NDUFS4: variants seen among roughly 807,000 people sequenced by gnomAD.
The protein encoded by NDUFS4 is NADH:ubiquinone oxidoreductase subunit S4.
A neutral mutation model predicts 24.3 loss-of-function variants in NDUFS4; 28 were observed. That is an observed-to-expected ratio of 1.15 (90% CI 0.85 to 1.58). The LOEUF (loss-of-function observed/expected upper bound fraction) is 1.58, where lower values mean the gene tolerates loss of function less well. Ranked by LOEUF, NDUFS4 falls within the 40% of genes most tolerant of loss-of-function variation. The pLI, the probability that NDUFS4 is intolerant of heterozygous loss-of-function variation, is 0.00. For missense variants in NDUFS4, 223 were observed against 207.9 expected (o/e 1.07, Z -0.45); for synonymous variants, 93 against 69.7 (o/e 1.34, Z -1.67).
At chr5:53,621,997 G>T (rs956910582) in intron 2 of NDUFS4, among the ~76,000 whole-genome samples, 1 of 151,946 alleles carries the variant, frequency 6.6e-6, no homozygotes, top group Non-Finnish European at 1.5e-5. Flanking sequence ...ACCGCGCCCG[G>T]CCGTAAATTA....
At chr5:53,644,366 T>G (rs2112505005) in intron 2 of NDUFS4, among the ~76,000 whole-genome samples, 1 of 152,274 alleles carries the variant, frequency 6.6e-6, no homozygotes, top group Admixed American at 6.5e-5. Flanking sequence ...TATAACATGC[T>G]TATAGTGTTT....
chr5:53,683,134 T>TGAA lies in NDUFS4; in HGVS notation c.444_446dup (p.Glu149dup), dbSNP rs1325068600. The TGAA allele has an allele frequency of 4.9e-5, 78 of 1,606,004 alleles. No individual in the cohort carries two copies. Among genetic ancestry groups the TGAA allele is most frequent in the Non-Finnish European group, 6.5e-5 (76 of 1,172,980 alleles). On this transcript the variant is annotated inframe_insertion, in exon 5 of 5. Coordinates refer to ENST00000296684, the MANE Select transcript of NDUFS4 (RefSeq NM_002495.4). ...TCCTCCTAGGATGGAGCTATGACAT[T>TGAA]GAAGAGAGGAAGGTTCCAAAACCCA...
intron 2 of NDUFS4, among the ~76,000 whole-genome samples, chr5:53,616,753 A>G (rs1162094248): frequency 6.6e-6 from 1 of 152,166 alleles, no homozygotes; most frequent in Non-Finnish European, 1.5e-5. Flanking sequence ...TATAATTCTA[A>G]GTAGAAAAGT....
intron 2 of NDUFS4, among the ~76,000 whole-genome samples, chr5:53,608,858 A>G (rs1750611250): frequency 6.6e-6 from 1 of 152,230 alleles, no homozygotes; most frequent in East Asian, 1.9e-4. Flanking sequence ...CTTGCCTTTA[A>G]CAATTGTATT....
intron 1 of NDUFS4, among the ~76,000 whole-genome samples, chr5:53,579,033 A>T (rs563113178): frequency 6.6e-6 from 1 of 152,192 alleles, no homozygotes; most frequent in East Asian, 1.9e-4. Flanking sequence ...GCTTTGATCA[A>T]GGTCAGCAGT....
intron 2 of NDUFS4, among the ~76,000 whole-genome samples, chr5:53,611,765 CTTTT>C (rs1464204701): frequency 3.3e-5 from 5 of 151,848 alleles, no homozygotes; most frequent in Admixed American, 1.3e-4. Flanking sequence ...ATGAGGGTAA[CTTTT>C]TTTTCTTTAT....
At chr5:53,567,492 G>T (rs1016994479) in intron 1 of NDUFS4, among the ~76,000 whole-genome samples, 45 of 152,142 alleles carry the variant, frequency 3.0e-4, no homozygotes, top group Non-Finnish European at 8.8e-5. Flanking sequence ...TTTGGTAAGG[G>T]ACTTTTCATA....
chr5:53,578,339 G>A (rs1299025734), intron 1 of NDUFS4, among the ~76,000 whole-genome samples: 1 of 152,020 alleles, frequency 6.6e-6, no homozygotes, highest in South Asian at 2.1e-4. Flanking sequence ...TCTTATTGTG[G>A]CCAACTCCCT....
intron 1 of NDUFS4, among the ~76,000 whole-genome samples, chr5:53,580,151 C>T (rs1237853025): frequency 6.6e-6 from 1 of 152,214 alleles, no homozygotes; most frequent in Non-Finnish European, 1.5e-5. Context: ...ACCATGACTT[C>T]ATTTACCATC....
intron 1 of NDUFS4, among the ~76,000 whole-genome samples, chr5:53,589,920 T>C (rs1186337754): frequency 1.3e-5 from 2 of 152,192 alleles, no homozygotes; most frequent in African/African-American, 4.8e-5. Flanking sequence ...CTTTCCTTGC[T>C]CCTCAACTTG....
chr5:53,576,318 A>G (rs200650463), intron 1 of NDUFS4, among the ~76,000 whole-genome samples: 6 of 97,346 alleles, frequency 6.2e-5, no homozygotes, highest in Admixed American at 6.0e-4. Context: ...CTTAGGCAAG[A>G]AGAGAGAATT....
intron 1 of NDUFS4, among the ~76,000 whole-genome samples, chr5:53,577,260 C>G (rs1579827404): frequency 6.6e-6 from 1 of 152,128 alleles, no homozygotes; most frequent in African/African-American, 2.4e-5. Flanking sequence ...TTCTCATTCC[C>G]TTTTGATTAA....
intron 1 of NDUFS4, among the ~76,000 whole-genome samples, chr5:53,574,268 T>G (rs1749316108): frequency 6.6e-6 from 1 of 152,242 alleles, no homozygotes; most frequent in Admixed American, 6.5e-5. Context: ...CTTCTGCTTC[T>G]GCTTTGCTAA....
At chr5:53,660,357 C>G (rs569058638) in intron 4 of NDUFS4, among the ~76,000 whole-genome samples, 156 of 152,194 alleles carry the variant, frequency 1.0e-3, no homozygotes, top group African/African-American at 3.6e-3. Context: ...GCATAGTATT[C>G]CATGGTGTAT....
chr5:53,641,196 A>G (rs945695467), intron 2 of NDUFS4, among the ~76,000 whole-genome samples: 16 of 152,152 alleles, frequency 1.1e-4, no homozygotes, highest in African/African-American at 3.6e-4. Flanking sequence ...GATTTCATAC[A>G]TGATGAAAAA....
intron 2 of NDUFS4, among the ~76,000 whole-genome samples, chr5:53,639,292 A>G (rs1751640910): frequency 6.6e-6 from 1 of 151,902 alleles, no homozygotes; most frequent in South Asian, 2.1e-4. Context: ...GATTAATACT[A>G]TTATGATTTC....
At position 53,560,724 on chromosome 5, in the gene NDUFS4, C is replaced by T; in HGVS notation, c.62C>T (p.Ala21Val). 1 of 1,614,228 alleles carries T rather than the reference C, an allele frequency of 6.2e-7. No homozygotes were observed. Among genetic ancestry groups the T allele is most frequent in the South Asian group, 1.1e-5 (1 of 91,086 alleles). The change falls in exon 1 of 5, where the codon GCT (alanine) becomes GTT (valine). Residue 21 changes from alanine to valine, a missense_variant. Ala to Val is a moderately conservative substitution (Grantham distance 64). Transcript: ENST00000296684. ...RQTLWRRRAV[A>V]VAALSVSRVP... is the part of the protein sequence containing the mutation. ...ACGTTGTGGCGGAGAAGGGCAGTGG[C>T]TGTAGCTGCCCTTTCCGTTTCCAGG...
chr5:53,651,042 G>T (rs905759517), intron 3 of NDUFS4, among the ~76,000 whole-genome samples: 2 of 152,110 alleles, frequency 1.3e-5, no homozygotes, highest in Admixed American at 6.5e-5. Context: ...TAGTTTTGCC[G>T]AAGTAAAAAG....
At chr5:53,599,328 T>C (rs1750238406) in intron 1 of NDUFS4, among the ~76,000 whole-genome samples, 1 of 152,158 alleles carries the variant, frequency 6.6e-6, no homozygotes, top group African/African-American at 2.4e-5. Flanking sequence ...CTGTTTACTT[T>C]TTGAGAAACT....
Sources: gnomAD v4.1 joint callset for allele counts (sites outside exome capture counted in the v4.1 genomes callset) on GRCh38, gnomAD v4.1.1 for gene constraint, MANE v1.5 for transcripts, NCBI Gene and HGNC (gene_info 2026-07-23, HGNC 2026-07-21) for gene names.